CREB5: variants seen among roughly 807,000 people sequenced by gnomAD.
CREB5 encodes cAMP responsive element binding protein 5.
A neutral mutation model predicts 57.1 loss-of-function variants in CREB5; 19 were observed. That is an observed-to-expected ratio of 0.33 (90% confidence interval 0.23 to 0.49). CREB5 has a LOEUF of 0.49. CREB5 is among the 20% of genes least tolerant of loss of function. CREB5 has a pLI of 0.99. For missense variants in CREB5, 579 were observed against 671.6 expected (o/e 0.86, Z 1.52); for synonymous variants, 238 against 238.3 (o/e 1.00, Z 0.01).
In CREB5 at chr7:28,560,877, T is replaced by TGCGCGCGC. The variant is rs1252188779; in HGVS notation, c.292-9485_292-9484insCGCGCGCG. Among the ~76,000 whole-genome samples the TGCGCGCGC allele has an allele frequency of 4.9e-4, 15 of 30,864 alleles. 1 individual carries two copies. The highest frequency in any genetic ancestry group is 2.3e-3 in the Admixed American group (6 of 2,634). The allele number at this position is 30,864 out of a possible 152,430, so 20.2% of individuals were successfully genotyped here. A position where few individuals can be genotyped will look rare whatever the true frequency, so the allele number is the denominator to read the frequency against. Reference sequence around the variant, plus strand: ...GTGTGTGCGTGTGCCTGCGTGCGCGTGCGTGCGTGCGTGTGTGTGCGTGCG... The same window carrying TGCGCGCGC: ...GTGTGTGCGTGTGCCTGCGTGCGCGTGCGCGCGCGCGTGCGTGCGTGTGTGTGCGTGCG... On this transcript the variant is annotated intron_variant, in intron 4 of 10. Coordinates refer to ENST00000357727, the MANE Select transcript of CREB5 (RefSeq NM_182898.4).
intron 9 of CREB5, among the ~76,000 whole-genome samples, chr7:28,817,694 G>T (rs770718273): frequency 4.5e-4 from 69 of 152,132 alleles, no homozygotes; most frequent in Non-Finnish European, 7.8e-4. Flanking sequence ...CACAAATAAT[G>T]TACTCTTCTT....
At chr7:28,723,171 C>T (rs915994054) in intron 6 of CREB5, among the ~76,000 whole-genome samples, 1 of 152,170 alleles carries the variant, frequency 6.6e-6, no homozygotes, top group Non-Finnish European at 1.5e-5. Context: ...TGGAAACACG[C>T]TTGCATTGAA....
intron 4 of CREB5, among the ~76,000 whole-genome samples, chr7:28,561,041 TGTGA>T (rs1795252436): frequency 6.8e-6 from 1 of 146,934 alleles, no homozygotes; most frequent in African/African-American, 2.5e-5. Flanking sequence ...TGTGTGTGTG[TGTGA>T]AGGTATTTTT....
chr7:28,390,955 AT>A (rs1397828485), intron 1 of CREB5, among the ~76,000 whole-genome samples: 1 of 152,020 alleles, frequency 6.6e-6, no homozygotes, highest in Non-Finnish European at 1.5e-5. Context: ...ATAATATAAT[AT>A]AATATATGTA....
At chr7:28,657,646 G>C (rs1196434717) in intron 5 of CREB5, among the ~76,000 whole-genome samples, 1 of 146,550 alleles carries the variant, frequency 6.8e-6, no homozygotes, top group African/African-American at 2.5e-5. Flanking sequence ...GAACCCAGGA[G>C]GCAGAGGTTG....
At chr7:28,498,277 C>T (rs559602491) in intron 3 of CREB5, among the ~76,000 whole-genome samples, 46 of 152,214 alleles carry the variant, frequency 3.0e-4, no homozygotes, top group African/African-American at 1.1e-3. Flanking sequence ...TCAAGTTCCT[C>T]CTAGACTACT....
intron 1 of CREB5, among the ~76,000 whole-genome samples, chr7:28,444,821 A>G (rs1047911581): frequency 1.3e-5 from 2 of 152,204 alleles, no homozygotes; most frequent in South Asian, 2.1e-4. Flanking sequence ...AGGAAACTCT[A>G]TCACCCTGAA....
intron 5 of CREB5, among the ~76,000 whole-genome samples, chr7:28,659,748 C>A (rs941052560): frequency 8.5e-5 from 13 of 152,050 alleles, no homozygotes; most frequent in Admixed American, 4.6e-4. Flanking sequence ...AAATTAAATA[C>A]AAATACAGTG....
At chr7:28,524,445 T>C (rs1430819780) in intron 4 of CREB5, among the ~76,000 whole-genome samples, 1 of 151,868 alleles carries the variant, frequency 6.6e-6, no homozygotes, top group East Asian at 1.9e-4. Flanking sequence ...TGAGCTGCAG[T>C]GAGCCGAGAT....
At chr7:28,775,063 T>A (rs1806541370) in intron 7 of CREB5, among the ~76,000 whole-genome samples, 1 of 152,232 alleles carries the variant, frequency 6.6e-6, no homozygotes. Flanking sequence ...TTCGGCACTA[T>A]AATTCATGAA....
At chr7:28,787,510 G>A (rs555878784) in intron 7 of CREB5, among the ~76,000 whole-genome samples, 1 of 152,294 alleles carries the variant, frequency 6.6e-6, no homozygotes, top group East Asian at 1.9e-4. Context: ...CTTGGGCCAG[G>A]TGGGCTCCAC....
intron 7 of CREB5, among the ~76,000 whole-genome samples, chr7:28,760,326 C>T (rs1684339817): frequency 6.6e-6 from 1 of 152,170 alleles, no homozygotes; most frequent in Non-Finnish European, 1.5e-5. Context: ...CAAAACCAGA[C>T]CAACCAAATT....
chr7:28,377,967 A>C (rs915140630), intron 1 of CREB5, among the ~76,000 whole-genome samples: 2 of 151,486 alleles, frequency 1.3e-5, no homozygotes, highest in Non-Finnish European at 2.9e-5. Flanking sequence ...AAGAAAAAGA[A>C]AAAAAAAGAT....
At chr7:28,385,148 C>G (rs1017154865) in intron 1 of CREB5, among the ~76,000 whole-genome samples, 7 of 152,152 alleles carry the variant, frequency 4.6e-5, no homozygotes, top group African/African-American at 1.7e-4. Context: ...TACTGACACT[C>G]AGTTCCATGT....
intron 5 of CREB5, among the ~76,000 whole-genome samples, chr7:28,711,592 C>T (rs1802402466): frequency 1.3e-5 from 2 of 152,186 alleles, no homozygotes; most frequent in East Asian, 1.9e-4. Flanking sequence ...CTTCTGTGTT[C>T]ATTTGTCATT....
intron 1 of CREB5, among the ~76,000 whole-genome samples, chr7:28,421,543 C>T (rs988784266): frequency 2.0e-5 from 3 of 151,944 alleles, no homozygotes; most frequent in South Asian, 2.1e-4. Context: ...TGTAGACAGA[C>T]GACATTGGTA....
chr7:28,741,587 T>C (rs535758557), intron 7 of CREB5, among the ~76,000 whole-genome samples: 1 of 152,256 alleles, frequency 6.6e-6, no homozygotes, highest in East Asian at 1.9e-4. Context: ...ATTAAGTACG[T>C]TTTGAACTTT....
chr7:28,303,536 T>C (rs911483356), intron 1 of CREB5, among the ~76,000 whole-genome samples: 3 of 152,226 alleles, frequency 2.0e-5, no homozygotes, highest in Non-Finnish European at 4.4e-5. Context: ...TAAAAATACA[T>C]GAACACCTAA....
At chr7:28,645,098 C>T (rs920981044) in intron 5 of CREB5, among the ~76,000 whole-genome samples, 1 of 152,174 alleles carries the variant, frequency 6.6e-6, no homozygotes, top group Non-Finnish European at 1.5e-5. Flanking sequence ...ACCCTTGAGT[C>T]TTGTGGCTAG....
Sources: allele counts gnomAD v4.1 joint callset (sites outside exome capture counted in the v4.1 genomes callset), GRCh38; gene constraint gnomAD v4.1.1; transcripts MANE v1.5; gene names NCBI Gene and HGNC (gene_info 2026-07-23, HGNC 2026-07-21).